Variants in FAM135B observed in about 807,000 individuals in gnomAD.
The protein encoded by FAM135B is family with sequence similarity 135 member B, also known as protein FAM135B.
A neutral mutation model predicts 127.7 loss-of-function variants in FAM135B; 43 were observed. The ratio of observed to expected loss-of-function variants is 0.34; its 90% CI spans 0.26 to 0.43. FAM135B has a LOEUF of 0.43. Among genes scored for constraint, FAM135B ranks in the 20% least tolerant of loss-of-function variants. The probability of loss-of-function intolerance (pLI) is 1.00; values close to 1 mark genes in which losing one functional copy is unlikely to be tolerated. For synonymous variants in FAM135B, 670 were observed against 665.1 expected, an observed-to-expected ratio of 1.01 and a Z score of -0.11; for missense variants, 1,558 against 1,725.6, an observed-to-expected ratio of 0.90 and a Z score of 1.72.
At chr8:138,144,587 C>T (rs76688283) in intron 15 of FAM135B, among the ~76,000 whole-genome samples, 2 of 152,120 alleles carry the variant, frequency 1.3e-5, no homozygotes, top group Admixed American at 6.5e-5. Context: ...TTGGAAATCA[C>T]AGTAGGTTTA....
At chr8:138,351,985 C>T (rs1220947872) in intron 2 of FAM135B, among the ~76,000 whole-genome samples, 3 of 152,110 alleles carry the variant, frequency 2.0e-5, no homozygotes, top group Non-Finnish European at 4.4e-5. Context: ...CCACTACGTT[C>T]GACCAGATTA....
intron 6 of FAM135B, 116 bp downstream of exon 6, chr8:138,250,725 G>A: frequency 8.6e-7 from 1 of 1,164,012 alleles, no homozygotes; most frequent in Non-Finnish European, 1.2e-6. Context: ...TAAACCTGCA[G>A]CCTTAGAGAA....
At chr8:138,438,609 C>T (rs978935801) in intron 1 of FAM135B, 1 of 152,014 alleles carries the variant, frequency 6.6e-6, no homozygotes, top group Non-Finnish European at 1.5e-5. Flanking sequence ...ACAGCACAAG[C>T]AAGGGGAAAT....
At chr8:138,412,997 A>G (rs1833944203) in intron 1 of FAM135B, among the ~76,000 whole-genome samples, 1 of 152,200 alleles carries the variant, frequency 6.6e-6, no homozygotes. Context: ...TACATCAGAG[A>G]TGCTCAGTCA....
chr8:138,333,373 A>G (rs2131006532), intron 2 of FAM135B, among the ~76,000 whole-genome samples: 1 of 152,266 alleles, frequency 6.6e-6, no homozygotes, highest in East Asian at 1.9e-4. Flanking sequence ...CTGCCTTTGT[A>G]CCAGGTATGC....
At chr8:138,142,707 A>G (rs546692227) in intron 16 of FAM135B, among the ~76,000 whole-genome samples, 178 of 152,302 alleles carry the variant, frequency 1.2e-3, no homozygotes, top group African/African-American at 4.0e-3. Flanking sequence ...GTACATGGCA[A>G]GAAACAAGAT....
chr8:138,293,539 T>C (rs1586987676), intron 3 of FAM135B, among the ~76,000 whole-genome samples: 1 of 151,850 alleles, frequency 6.6e-6, no homozygotes, highest in East Asian at 1.9e-4. Context: ...TACAAGGAGC[T>C]CAAACAAATT....
At chr8:138,273,177 G>A (rs1823518283) in intron 3 of FAM135B, among the ~76,000 whole-genome samples, 1 of 152,160 alleles carries the variant, frequency 6.6e-6, no homozygotes, top group African/African-American at 2.4e-5. Context: ...AAGTCTCAGT[G>A]GAAGTGAGGA....
chr8:138,188,202 C>A (rs952117284), intron 9 of FAM135B, among the ~76,000 whole-genome samples: 2 of 152,160 alleles, frequency 1.3e-5, no homozygotes, highest in Non-Finnish European at 2.9e-5. Flanking sequence ...TATCATAGAA[C>A]AGGTATAGTA....
Position 138,242,526 on chromosome 8 carries a change from C to G in FAM135B, c.669+416G>C, listed in dbSNP as rs1820897856. On this transcript the variant is annotated intron_variant, in intron 7 of 19. Transcript: ENST00000395297. The surrounding 1 kb of genome is among the most constrained non-coding windows in gnomAD (Gnocchi z 9.6). ...ATATAACACTCCATGAGATTATTAG[C>G]TATTGGGGAGCCCACTCTACAGGTG... Among the ~76,000 whole-genome samples, 2 of 152,014 alleles carry G rather than the reference C, an allele frequency of 1.3e-5. No homozygotes were observed. Among genetic ancestry groups the G allele is most frequent in the Non-Finnish European group, 1.5e-5 (1 of 68,006 alleles).
At chr8:138,255,645 C>A (rs914592182) in intron 5 of FAM135B, among the ~76,000 whole-genome samples, 4 of 152,140 alleles carry the variant, frequency 2.6e-5, no homozygotes, top group Non-Finnish European at 5.9e-5. Context: ...GGAAAAGTAT[C>A]CACCCCCAAA....
At chr8:138,467,837 A>C (rs978829722) in intron 1 of FAM135B, among the ~76,000 whole-genome samples, 6 of 152,242 alleles carry the variant, frequency 3.9e-5, no homozygotes, top group African/African-American at 1.4e-4. Context: ...GAAATTATGA[A>C]TGTAGAGTAT....
chr8:138,314,911 G>T (rs1398912321), intron 2 of FAM135B, among the ~76,000 whole-genome samples: 1 of 147,948 alleles, frequency 6.8e-6, no homozygotes, highest in Non-Finnish European at 1.5e-5. Context: ...AATTCGAAGG[G>T]CATTTTTTAT....
At chr8:138,182,366 A>G (rs1285558370) in intron 9 of FAM135B, among the ~76,000 whole-genome samples, 1 of 152,082 alleles carries the variant, frequency 6.6e-6, no homozygotes, top group African/African-American at 2.4e-5. Flanking sequence ...TACACTAACA[A>G]AGAGGCAGCT....
chr8:138,324,468 C>T (rs1252486524), intron 2 of FAM135B, among the ~76,000 whole-genome samples: 1 of 152,122 alleles, frequency 6.6e-6, no homozygotes, highest in Non-Finnish European at 1.5e-5. Context: ...AAAGTCCAAA[C>T]AAAATTATTT....
intron 1 of FAM135B, chr8:138,438,751 AC>A (rs751840904): frequency 2.6e-5 from 4 of 152,216 alleles, no homozygotes; most frequent in Admixed American, 6.5e-5. Flanking sequence ...ATCAGACATC[AC>A]CTGAGGATGA....
At chr8:138,344,218 G>A (rs1204900808) in intron 2 of FAM135B, among the ~76,000 whole-genome samples, 1 of 152,224 alleles carries the variant, frequency 6.6e-6, no homozygotes, top group African/African-American at 2.4e-5. Flanking sequence ...AGTGTCAAGG[G>A]AGAAGATACC....
At chr8:138,437,326 C>T (rs1412283663) in intron 1 of FAM135B, 1 of 152,180 alleles carries the variant, frequency 6.6e-6, no homozygotes. Context: ...ATAATCCCCA[C>T]CTGTCATGGA....
At chr8:138,279,414 A>T (rs1335577375) in intron 3 of FAM135B, among the ~76,000 whole-genome samples, 1 of 152,202 alleles carries the variant, frequency 6.6e-6, no homozygotes, top group Non-Finnish European at 1.5e-5. Context: ...TGATAGCATC[A>T]TCCTCACCTC....
Sources: allele counts gnomAD v4.1 joint callset (sites outside exome capture counted in the v4.1 genomes callset), GRCh38; gene constraint gnomAD v4.1.1; non-coding constraint Gnocchi (gnomAD v3.1); transcripts MANE v1.5; gene names NCBI Gene and HGNC (gene_info 2026-07-23, HGNC 2026-07-21).